The following EPHB1 variants were observed in gnomAD, a reference collection of about 807,000 sequenced individuals.
EPHB1 encodes ephrin type-B receptor 1.
Under a neutral mutation model 94.4 loss-of-function variants are expected in EPHB1, and 30 were observed. The observed-to-expected ratio is 0.32, with a 90% CI of 0.24 to 0.43. The LOEUF (loss-of-function observed/expected upper bound fraction) is 0.43, where lower values mean the gene tolerates loss of function less well. Ranked by LOEUF, EPHB1 falls within the 20% of genes least tolerant of loss-of-function variation. The pLI is 1.00. For synonymous variants in EPHB1, 522 were observed against 489.1 expected, an observed-to-expected ratio of 1.07 and a Z score of -0.89; for missense variants, 1,055 against 1,308.3, an observed-to-expected ratio of 0.81 and a Z score of 2.99.
intron 1 of EPHB1, among the ~76,000 whole-genome samples, chr3:134,925,250 A>G (rs1164869712): frequency 2.0e-5 from 3 of 152,176 alleles, no homozygotes; most frequent in African/African-American, 4.8e-5. Context: ...TGACAAAGCT[A>G]TGTGAGCCCT....
chr3:135,130,016 G>T (rs967599046), intron 4 of EPHB1, among the ~76,000 whole-genome samples: 30 of 152,246 alleles, frequency 2.0e-4, no homozygotes, highest in African/African-American at 6.7e-4. Context: ...CAACCATTTT[G>T]GATAGTCAGG....
At chr3:134,993,354 G>T (rs1320373108) in intron 3 of EPHB1, among the ~76,000 whole-genome samples, 1 of 152,152 alleles carries the variant, frequency 6.6e-6, no homozygotes, top group Non-Finnish European at 1.5e-5. Context: ...GACTGCACAG[G>T]TATCTCTGGG....
intron 1 of EPHB1, among the ~76,000 whole-genome samples, chr3:134,838,024 G>A (rs748647267): frequency 6.6e-6 from 1 of 152,172 alleles, no homozygotes; most frequent in African/African-American, 2.4e-5. Context: ...CAGAACAGGA[G>A]TGCTGCCTGG....
At chr3:135,123,289 T>C (rs1162735638) in intron 4 of EPHB1, among the ~76,000 whole-genome samples, 1 of 152,186 alleles carries the variant, frequency 6.6e-6, no homozygotes, top group Non-Finnish European at 1.5e-5. Flanking sequence ...TAAGATTACA[T>C]TAAGTAATCC....
intron 4 of EPHB1, among the ~76,000 whole-genome samples, chr3:135,119,249 C>A (rs942356719): frequency 7.3e-4 from 111 of 152,128 alleles, no homozygotes; most frequent in African/African-American, 2.6e-3. Flanking sequence ...GACACCCTGC[C>A]CTCCAGCCCT....
At chr3:134,848,993 T>C (rs1422383302) in intron 1 of EPHB1, among the ~76,000 whole-genome samples, 2 of 152,234 alleles carry the variant, frequency 1.3e-5, no homozygotes, top group African/African-American at 4.8e-5. Flanking sequence ...GACTCAGCCT[T>C]GTCCTGTGAA....
At chr3:135,003,633 C>G (rs1359473787) in intron 3 of EPHB1, among the ~76,000 whole-genome samples, 23 of 152,256 alleles carry the variant, frequency 1.5e-4, no homozygotes, top group Non-Finnish European at 1.0e-4. Context: ...CTTTATGAAT[C>G]TGGGTGCTCC....
At chr3:134,956,647 A>C (rs1329417132) in intron 3 of EPHB1, among the ~76,000 whole-genome samples, 1 of 152,136 alleles carries the variant, frequency 6.6e-6, no homozygotes, top group East Asian at 1.9e-4. Flanking sequence ...CTCTGCTGCA[A>C]ACTTGCTACG....
In EPHB1 at chr3:135,081,992, G is replaced by A. The variant is rs527904965; in HGVS notation, c.806-24456G>A. Among the ~76,000 whole-genome samples the A allele has an allele frequency of 2.6e-5, 4 of 152,020 alleles. No homozygotes were observed. The South Asian group carries it at 8.3e-4, about 32-fold the overall frequency. On this transcript the variant is annotated intron_variant, in intron 3 of 15. Transcript: ENST00000398015. ...GATGGAACGGCAGCAGGAGTGGGGA[G>A]ATCCAAGCAGAAGGCCCAGGCTGGG...
intron 3 of EPHB1, among the ~76,000 whole-genome samples, chr3:135,102,365 A>T (rs1340517475): frequency 6.6e-6 from 1 of 152,168 alleles, no homozygotes; most frequent in African/African-American, 2.4e-5. Flanking sequence ...AATATTCTTC[A>T]TCAGAAGCCA....
At chr3:134,872,212 T>C (rs1471662076) in intron 1 of EPHB1, among the ~76,000 whole-genome samples, 4 of 152,202 alleles carry the variant, frequency 2.6e-5, no homozygotes, top group African/African-American at 9.7e-5. Context: ...GTAACTGTTT[T>C]GCCTCTCCAG....
At chr3:135,186,405 T>G (rs1049826660) in intron 10 of EPHB1, among the ~76,000 whole-genome samples, 1 of 152,230 alleles carries the variant, frequency 6.6e-6, no homozygotes, top group African/African-American at 2.4e-5. Context: ...CTCTCCCTGG[T>G]TTAGCCGTAA....
intron 1 of EPHB1, among the ~76,000 whole-genome samples, chr3:134,831,078 C>T (rs2036574160): frequency 1.3e-5 from 2 of 152,196 alleles, no homozygotes; most frequent in African/African-American, 4.8e-5. Context: ...AGAGTGCTTC[C>T]CCTAAACCCT....
chr3:135,083,538 C>T (rs1378634154), intron 3 of EPHB1, among the ~76,000 whole-genome samples: 1 of 151,598 alleles, frequency 6.6e-6, no homozygotes, highest in East Asian at 2.0e-4. Context: ...AGGATGAAGG[C>T]ATTAGGGCAA....
chr3:135,242,108 A>G (rs922233039), intron 13 of EPHB1, among the ~76,000 whole-genome samples: 10 of 152,224 alleles, frequency 6.6e-5, no homozygotes, highest in African/African-American at 2.4e-4. Flanking sequence ...TAAGTCTCCA[A>G]TGAAAAGTCC....
chr3:135,084,750 G>A (rs1938288066), intron 3 of EPHB1, among the ~76,000 whole-genome samples: 1 of 152,168 alleles, frequency 6.6e-6, no homozygotes, highest in Non-Finnish European at 1.5e-5. Flanking sequence ...ACATGAATGA[G>A]AATGTACACT....
intron 5 of EPHB1, among the ~76,000 whole-genome samples, chr3:135,141,125 G>T (rs560723687): frequency 6.6e-6 from 1 of 150,482 alleles, no homozygotes; most frequent in Non-Finnish European, 1.5e-5. Flanking sequence ...ATTTTAAAGC[G>T]TGTGCGCTTC....
chr3:135,204,917 C>G, intron 12 of EPHB1, among the ~76,000 whole-genome samples: 1 of 94,938 alleles, frequency 1.1e-5, no homozygotes, highest in East Asian at 3.5e-4. Flanking sequence ...TGGTATTTAA[C>G]CATACCCCCT....
At chr3:134,810,365 A>G (rs2036147030) in intron 1 of EPHB1, among the ~76,000 whole-genome samples, 1 of 151,504 alleles carries the variant, frequency 6.6e-6, no homozygotes, top group Non-Finnish European at 1.5e-5. Flanking sequence ...GCAAATTAGA[A>G]TATTCTGCCC....
Sources: allele counts gnomAD v4.1 joint callset (sites outside exome capture counted in the v4.1 genomes callset), GRCh38; gene constraint gnomAD v4.1.1; transcripts MANE v1.5; gene names NCBI Gene and HGNC (gene_info 2026-07-23, HGNC 2026-07-21).